The following PHKB variants were observed in gnomAD, a reference collection of about 807,000 sequenced individuals.
The protein encoded by PHKB is phosphorylase kinase regulatory subunit beta.
PHKB carries 122 observed loss-of-function variants against 152.1 expected under a neutral mutation model. The observed-to-expected ratio is 0.80, with a 90% CI of 0.69 to 0.93. The LOEUF (loss-of-function observed/expected upper bound fraction) is 0.93. Among genes scored for constraint, PHKB ranks in the 40% least tolerant of loss-of-function variants. PHKB has a pLI of 0.00. For missense variants in PHKB, 1,304 were observed against 1,328.4 expected (o/e 0.98, Z 0.29); for synonymous variants, 436 against 464.9 (o/e 0.94, Z 0.80).
chr16:47,500,724 A>G (rs1043468545), intron 3 of PHKB, among the ~76,000 whole-genome samples: 3 of 152,142 alleles, frequency 2.0e-5, no homozygotes, highest in Non-Finnish European at 2.9e-5. Context: ...AAATAGTTAG[A>G]CAATACAAAA....
chr16:47,578,787 C>T (rs1971792269), intron 7 of PHKB, among the ~76,000 whole-genome samples: 1 of 152,110 alleles, frequency 6.6e-6, no homozygotes. Context: ...ATGATAGACT[C>T]AGGAATGTAG....
chr16:47,533,118 C>G (rs1035460601), intron 6 of PHKB, among the ~76,000 whole-genome samples: 12 of 152,252 alleles, frequency 7.9e-5, no homozygotes, highest in African/African-American at 2.9e-4. Context: ...GAGTGGGTTG[C>G]TCCTCTCTGC....
intron 20 of PHKB, among the ~76,000 whole-genome samples, chr16:47,657,051 C>T (rs977670722): frequency 6.6e-6 from 1 of 152,114 alleles, no homozygotes. Flanking sequence ...TTAGTGAAGC[C>T]TCGGGGACTG....
chr16:47,525,886 A>G (rs1428908766), intron 6 of PHKB, among the ~76,000 whole-genome samples: 1 of 152,144 alleles, frequency 6.6e-6, no homozygotes, highest in East Asian at 1.9e-4. Flanking sequence ...TGAGGAAGGG[A>G]GGGTTAGCTA....
At chr16:47,653,669 G>A (rs1191417667) in intron 20 of PHKB, among the ~76,000 whole-genome samples, 4 of 152,214 alleles carry the variant, frequency 2.6e-5, no homozygotes, top group Admixed American at 2.6e-4. Context: ...ATTCCAGGAT[G>A]TACCTAGGCA....
At chr16:47,464,221 G>C in intron 1 of PHKB, 1 of 542,308 alleles carries the variant, frequency 1.8e-6, no homozygotes, top group Non-Finnish European at 3.3e-6. Context: ...TGCCTGCCCC[G>C]ATATTTGCAA....
At chr16:47,654,452 G>A (rs1281111985) in intron 20 of PHKB, among the ~76,000 whole-genome samples, 1 of 152,100 alleles carries the variant, frequency 6.6e-6, no homozygotes, top group South Asian at 2.1e-4. Flanking sequence ...CCATTACTGG[G>A]TATATACCCA....
intron 1 of PHKB, among the ~76,000 whole-genome samples, chr16:47,481,271 T>C (rs1969959376): frequency 6.6e-6 from 1 of 152,242 alleles, no homozygotes; most frequent in African/African-American, 2.4e-5. Context: ...GAAGACTTAT[T>C]AGCATCACTC....
At chr16:47,621,634 G>A (rs542622972) in intron 14 of PHKB, among the ~76,000 whole-genome samples, 7 of 152,260 alleles carry the variant, frequency 4.6e-5, no homozygotes, top group Non-Finnish European at 1.0e-4. Flanking sequence ...GAAATAAAGC[G>A]TTTGTGTGGG....
intron 14 of PHKB, among the ~76,000 whole-genome samples, chr16:47,615,925 A>G (rs1437249641): frequency 6.6e-5 from 10 of 152,202 alleles, no homozygotes; most frequent in Non-Finnish European, 1.5e-4. Context: ...TTTGCATCCC[A>G]TACAATTCAC....
intron 16 of PHKB, among the ~76,000 whole-genome samples, chr16:47,642,155 T>TA (rs1272505999): frequency 1.3e-5 from 2 of 152,040 alleles, no homozygotes; most frequent in Admixed American, 6.6e-5. Flanking sequence ...AAGGTTTGTT[T>TA]AAAAAAAACG....
At chr16:47,489,799 C>T (rs1970115490) in intron 1 of PHKB, among the ~76,000 whole-genome samples, 1 of 151,722 alleles carries the variant, frequency 6.6e-6, no homozygotes, top group South Asian at 2.1e-4. Context: ...CATACCGTTC[C>T]AGTGAAATCT....
intron 7 of PHKB, among the ~76,000 whole-genome samples, chr16:47,552,891 G>T (rs1419360684): frequency 6.6e-6 from 1 of 152,100 alleles, no homozygotes; most frequent in South Asian, 2.1e-4. Context: ...TAGGGTTTCT[G>T]CAGAGAGATC....
rs1379019003 is a variant in PHKB at position 47,696,273 on chromosome 16, GT to G, written c.2896-104del. Reference sequence around the variant, plus strand: ...TGTGTAGCTGAAAATGTTCTCCAAGGTTTTATAAAAACTGAAAACTATTAAT... The same window carrying G: ...TGTGTAGCTGAAAATGTTCTCCAAGGTTTATAAAAACTGAAAACTATTAAT... On this transcript the variant is annotated intron_variant, in intron 28 of 30. Transcript: ENST00000323584. The G allele has an allele frequency of 8.2e-6, 6 of 731,818 alleles. No homozygotes were observed. In the Admixed American group the frequency reaches 1.2e-4, roughly 15 times the overall value. The allele number at this position is 731,818 out of a possible 1,614,324, so 45.3% of individuals were successfully genotyped here.
intron 1 of PHKB, among the ~76,000 whole-genome samples, chr16:47,472,036 A>T (rs965097060): frequency 2.0e-5 from 3 of 152,324 alleles, no homozygotes; most frequent in Middle Eastern, 6.8e-3. Flanking sequence ...AGCCTGGGTG[A>T]CAGAGAGAGA....
At chr16:47,696,780 G>C (rs1250419020) in intron 29 of PHKB, among the ~76,000 whole-genome samples, 1 of 152,094 alleles carries the variant, frequency 6.6e-6, no homozygotes, top group Non-Finnish European at 1.5e-5. Context: ...TCACCCCTTA[G>C]CATCAAGTGT....
chr16:47,482,638 C>G (rs1969981560), intron 1 of PHKB, among the ~76,000 whole-genome samples: 1 of 151,240 alleles, frequency 6.6e-6, no homozygotes, highest in African/African-American at 2.4e-5. Flanking sequence ...AGTATTACTT[C>G]TGTACGACTT....
intron 29 of PHKB, among the ~76,000 whole-genome samples, chr16:47,696,724 G>A (rs1277782800): frequency 2.0e-5 from 3 of 152,064 alleles, no homozygotes; most frequent in African/African-American, 7.2e-5. Context: ...GACACCTCAG[G>A]CTCCTCCAGG....
At chr16:47,601,208 C>A (rs1056314555) in intron 13 of PHKB, among the ~76,000 whole-genome samples, 11 of 152,024 alleles carry the variant, frequency 7.2e-5, no homozygotes, top group African/African-American at 1.9e-4. Flanking sequence ...TAGAGTGAGA[C>A]CCTGTCTCAA....
Sources: gnomAD v4.1 joint callset for allele counts (sites outside exome capture counted in the v4.1 genomes callset) on GRCh38, gnomAD v4.1.1 for gene constraint, MANE v1.5 for transcripts, NCBI Gene and HGNC (gene_info 2026-07-23, HGNC 2026-07-21) for gene names.